The following RBFOX1 variants were observed in gnomAD, a reference collection of about 807,000 sequenced individuals.
The protein encoded by RBFOX1 is RNA binding fox-1 homolog 1.
RBFOX1 carries 8 observed loss-of-function variants against 57.7 expected under a neutral mutation model. The ratio of observed to expected loss-of-function variants is 0.14; its 90% confidence interval spans 0.08 to 0.25. RBFOX1 has a LOEUF of 0.25. RBFOX1 is among the 10% of genes least tolerant of loss of function. The pLI, the probability that RBFOX1 is intolerant of heterozygous loss-of-function variation, is 1.00. For missense variants in RBFOX1, 611 were observed against 548.5 expected (o/e 1.11, Z -1.14); for synonymous variants, 326 against 222.4 (o/e 1.47, Z -4.15).
chr16:7,172,765 C>T (rs2080951792), intron 4 of RBFOX1, among the ~76,000 whole-genome samples: 1 of 152,108 alleles, frequency 6.6e-6, no homozygotes, highest in Non-Finnish European at 1.5e-5. Flanking sequence ...AGGTGTCAGT[C>T]TTGGCTTTTA....
chr16:7,158,593 G>T (rs1033697814), intron 4 of RBFOX1, among the ~76,000 whole-genome samples: 1 of 151,950 alleles, frequency 6.6e-6, no homozygotes, highest in Non-Finnish European at 1.5e-5. Flanking sequence ...GTATGTGCCT[G>T]TGTCCTGTGA....
At chr16:7,447,851 T>G (rs937438170) in intron 4 of RBFOX1, among the ~76,000 whole-genome samples, 1 of 152,174 alleles carries the variant, frequency 6.6e-6, no homozygotes, top group African/African-American at 2.4e-5. Flanking sequence ...TAGAACAGAT[T>G]TTTCTGTGTG....
At chr16:5,352,692 C>T (rs2065288798) in intron 1 of RBFOX1, among the ~76,000 whole-genome samples, 1 of 152,098 alleles carries the variant, frequency 6.6e-6, no homozygotes, top group Admixed American at 6.5e-5. Context: ...CTTGTAATTC[C>T]AGCACTTTGG....
chr16:7,051,666 TATC>T (rs1482787551), intron 3 of RBFOX1, among the ~76,000 whole-genome samples: 1 of 152,190 alleles, frequency 6.6e-6, no homozygotes, highest in Non-Finnish European at 1.5e-5. Context: ...TCCACTGACT[TATC>T]ATGACCATCT....
chr16:6,344,080 A>G (rs1291427056), intron 2 of RBFOX1, among the ~76,000 whole-genome samples: 1 of 152,312 alleles, frequency 6.6e-6, no homozygotes, highest in East Asian at 1.9e-4. Flanking sequence ...CCTGATATGC[A>G]TCATGGAAAC....
At chr16:6,873,291 C>G (rs1047336728) in intron 3 of RBFOX1, among the ~76,000 whole-genome samples, 4 of 152,110 alleles carry the variant, frequency 2.6e-5, no homozygotes, top group African/African-American at 4.8e-5. Context: ...AAGCATAACT[C>G]TTTTAACACC....
At chr16:6,389,364 G>T (rs1206442618) in intron 2 of RBFOX1, among the ~76,000 whole-genome samples, 2 of 152,136 alleles carry the variant, frequency 1.3e-5, no homozygotes, top group African/African-American at 4.8e-5. Context: ...TCATTTTTTT[G>T]TGTGTGTTTC....
intron 4 of RBFOX1, among the ~76,000 whole-genome samples, chr16:5,982,132 G>A (rs1227541595): frequency 6.6e-6 from 1 of 152,122 alleles, no homozygotes; most frequent in Non-Finnish European, 1.5e-5. Flanking sequence ...CAGCTTCTGT[G>A]GCATGTGGTC....
At chr16:6,932,071 T>G (rs1304388184) in intron 3 of RBFOX1, among the ~76,000 whole-genome samples, 2 of 152,138 alleles carry the variant, frequency 1.3e-5, no homozygotes, top group East Asian at 3.9e-4. Context: ...CTTCATGACC[T>G]GATCATCTTG....
chr16:7,606,168 C>T (rs1305309396), intron 9 of RBFOX1, among the ~76,000 whole-genome samples: 2 of 141,390 alleles, frequency 1.4e-5, no homozygotes, highest in Non-Finnish European at 3.0e-5. Flanking sequence ...GTCACCTGGG[C>T]TGGAGTGCAA....
chr16:7,354,459 T>A (rs1376830200), intron 4 of RBFOX1, among the ~76,000 whole-genome samples: 1 of 152,186 alleles, frequency 6.6e-6, no homozygotes, highest in Non-Finnish European at 1.5e-5. Context: ...GAGGTGTTGT[T>A]AAACACGGCC....
intron 1 of RBFOX1, among the ~76,000 whole-genome samples, chr16:6,180,797 C>T (rs2097057228): frequency 6.6e-6 from 1 of 152,086 alleles, no homozygotes; most frequent in South Asian, 2.1e-4. Context: ...AACTCCTGAC[C>T]TCAAGTAATC....
At chr16:7,661,538 C>T (rs2067726332) in intron 12 of RBFOX1, among the ~76,000 whole-genome samples, 1 of 152,216 alleles carries the variant, frequency 6.6e-6, no homozygotes, top group South Asian at 2.1e-4. Flanking sequence ...GGCCCTGCCT[C>T]CTTCCGTTCC....
At position 6,715,950 on chromosome 16, in the gene RBFOX1, C is replaced by A. The variant is rs148934772; in HGVS notation, c.-16+61300C>A. Among the ~76,000 whole-genome samples the A allele has an allele frequency of 2.8e-3, 424 of 152,246 alleles. 3 individuals carry two copies. The highest frequency in any genetic ancestry group is 9.8e-3 in the African/African-American group (407 of 41,536). ...TCTCTTCCTAGTATGATGATTAAGT[C>A]AAGGATACGACGCAATTGACCAGGT... On this transcript the variant is annotated intron_variant, in intron 3 of 15. Transcript: ENST00000550418.
chr16:5,935,305 C>T (rs1435043032), intron 4 of RBFOX1, among the ~76,000 whole-genome samples: 1 of 152,172 alleles, frequency 6.6e-6, no homozygotes, highest in Non-Finnish European at 1.5e-5. Context: ...GCAGGCCATG[C>T]CACATGGGGC....
In RBFOX1 at chr16:7,362,420, A is replaced by G. The variant is rs573968584; in HGVS notation, c.28-155727A>G. ...GATTGTGTGTATATGTTTTGTGTGT[A>G]TGCGTTAGTGTGTGTTCTGCGTGTA... On this transcript the variant is annotated intron_variant, in intron 4 of 15. Transcript: ENST00000550418. Among the ~76,000 whole-genome samples, 11 of 148,762 alleles carry G rather than the reference A, an allele frequency of 7.4e-5. No individual in the cohort carries two copies. The South Asian group carries it at 2.1e-3, about 29-fold the overall frequency.
chr16:7,488,640 C>T (rs143573196), intron 4 of RBFOX1, among the ~76,000 whole-genome samples: 2,711 of 152,296 alleles, frequency 0.018, 43 homozygotes, highest in Non-Finnish European at 0.029. Flanking sequence ...ACCTATCACT[C>T]TATTTGTCTG....
chr16:7,090,797 A>G (rs984296902), intron 4 of RBFOX1, among the ~76,000 whole-genome samples: 1 of 152,140 alleles, frequency 6.6e-6, no homozygotes, highest in African/African-American at 2.4e-5. Context: ...TTGGAAAAGC[A>G]GGGAAGTCAC....
At chr16:5,832,025 G>T (rs2056292017) in intron 3 of RBFOX1, among the ~76,000 whole-genome samples, 3 of 152,162 alleles carry the variant, frequency 2.0e-5, no homozygotes, top group Admixed American at 2.0e-4. Context: ...TGTCTGTCTG[G>T]TTGAAGGAAG....
Sources: allele counts gnomAD v4.1 joint callset (sites outside exome capture counted in the v4.1 genomes callset), GRCh38; gene constraint gnomAD v4.1.1; transcripts MANE v1.5; gene names NCBI Gene and HGNC (gene_info 2026-07-23, HGNC 2026-07-21).